Variants in RB1 observed in about 807,000 individuals in gnomAD.
The protein encoded by RB1 is RB transcriptional corepressor 1.
A neutral mutation model predicts 135.4 loss-of-function variants in RB1; 18 were observed. That is an observed-to-expected ratio of 0.13 (90% CI 0.09 to 0.20). The LOEUF is 0.20. RB1 is among the 10% of genes least tolerant of loss of function. The pLI is 1.00. For missense variants in RB1, 868 were observed against 1,110.0 expected, an observed-to-expected ratio of 0.78 and a Z score of 3.10; for synonymous variants, 365 against 373.2, an observed-to-expected ratio of 0.98 and a Z score of 0.25.
intron 20 of RB1, among the ~76,000 whole-genome samples, chr13:48,461,649 A>G (rs1046630433): frequency 3.3e-5 from 5 of 151,394 alleles, no homozygotes; most frequent in Admixed American, 3.3e-4. Context: ...ATCCTCACCA[A>G]CTTTTTTATC....
intron 3 of RB1, 41 bp downstream of exon 3, chr13:48,342,755 G>A: frequency 7.3e-7 from 1 of 1,378,934 alleles, no homozygotes; most frequent in Non-Finnish European, 1.0e-6. Context: ...GCCATAAAAG[G>A]AAACGAATTC....
At chr13:48,442,376 A>AT (rs1376552032) in intron 17 of RB1, among the ~76,000 whole-genome samples, 1 of 151,852 alleles carries the variant, frequency 6.6e-6, no homozygotes, top group Non-Finnish European at 1.5e-5. Flanking sequence ...AATTTTTTGT[A>AT]TTTTTTGTAG....
rs1005740515 is a variant in RB1 at position 48,365,447 on chromosome 13, T to C, written c.939+476T>C. Among the ~76,000 whole-genome samples, 5 of 152,350 alleles carry C rather than the reference T, an allele frequency of 3.3e-5. No individual in the cohort carries two copies. In the South Asian group the frequency reaches 1.0e-3, roughly 32 times the overall value. ...GTATTTGTTGAAATGACTGTGACTA[T>C]TGCAGAAGTGTTTTACCTTAGTGAT... On this transcript the variant is annotated intron_variant, in intron 9 of 26. Coordinates refer to ENST00000267163, the MANE Select transcript of RB1 (RefSeq NM_000321.3).
chr13:48,317,980 G>T, intron 2 of RB1: 1 of 465,520 alleles, frequency 2.1e-6, no homozygotes, highest in Non-Finnish European at 4.1e-6. Context: ...TCTACAGTTC[G>T]ATGCTCTCGT....
intron 17 of RB1, chr13:48,429,281 G>A (rs1223181288): frequency 6.6e-6 from 1 of 152,244 alleles, no homozygotes; most frequent in Admixed American, 6.5e-5. Flanking sequence ...TAGGTGCAGT[G>A]ACACATGCCT....
rs2138345528 is a variant in RB1 at position 48,465,222 on chromosome 13, A to G, written c.2343A>G (p.Pro781=). The change falls in exon 23 of 27, where the codon CCA becomes CCG. Residue 781 remains proline, a synonymous_variant. Coordinates refer to ENST00000267163, the MANE Select transcript of RB1 (RefSeq NM_000321.3). The part of the protein sequence containing the change: ...YASTRPPTLS[P]IPHIPRSPYK... ...TGCTCTAGCCCCCTACCTTGTCACCAATACCTCACATTCCTCGAAGCCCTT... is the reference window on the plus strand; with the variant it reads ...TGCTCTAGCCCCCTACCTTGTCACCGATACCTCACATTCCTCGAAGCCCTT... 1.2e-6 allele frequency: 2 copies of G among 1,613,988 alleles called. No individual in the cohort carries two copies. Among genetic ancestry groups the G allele is most frequent in the Non-Finnish European group, 1.7e-6 (2 of 1,179,948 alleles).
chr13:48,327,538 A>G (rs1952298620), intron 2 of RB1, among the ~76,000 whole-genome samples: 3 of 152,202 alleles, frequency 2.0e-5, no homozygotes, highest in Non-Finnish European at 4.4e-5. Context: ...TGCAACACCT[A>G]GTTTATGATG....
At chr13:48,369,491 C>G (rs1270754597) in intron 11 of RB1, among the ~76,000 whole-genome samples, 1 of 152,190 alleles carries the variant, frequency 6.6e-6, no homozygotes, top group Non-Finnish European at 1.5e-5. Context: ...TTACATTCAC[C>G]TTGCTGTTAA....
At chr13:48,370,614 G>A (rs1037544896) in intron 11 of RB1, among the ~76,000 whole-genome samples, 6 of 152,210 alleles carry the variant, frequency 3.9e-5, no homozygotes, top group African/African-American at 1.4e-4. Flanking sequence ...AGATGCATAG[G>A]ATGAGGTATG....
At chr13:48,306,311 G>C (rs994145368) in intron 1 of RB1, among the ~76,000 whole-genome samples, 5 of 152,198 alleles carry the variant, frequency 3.3e-5, no homozygotes, top group African/African-American at 1.2e-4. Context: ...AGGCTGAGGT[G>C]GGAGGATCCC....
At chr13:48,378,899 T>C (rs538834910) in intron 13 of RB1, among the ~76,000 whole-genome samples, 1 of 152,356 alleles carries the variant, frequency 6.6e-6, no homozygotes, top group East Asian at 1.9e-4. Flanking sequence ...TGCATGATTA[T>C]ATATGAGATT....
intron 2 of RB1, chr13:48,318,224 C>T: frequency 3.1e-6 from 2 of 647,548 alleles, no homozygotes; most frequent in East Asian, 2.9e-5. Flanking sequence ...CTCTCTTGGA[C>T]TTGGAGAGTC....
chr13:48,416,059 G>T (rs1029202493), intron 17 of RB1, among the ~76,000 whole-genome samples: 3 of 152,110 alleles, frequency 2.0e-5, no homozygotes, highest in Non-Finnish European at 2.9e-5. Flanking sequence ...TACACTTCTG[G>T]AACTTAACTC....
At chr13:48,443,728 G>A (rs1037261367) in intron 17 of RB1, among the ~76,000 whole-genome samples, 58 of 152,182 alleles carry the variant, frequency 3.8e-4, no homozygotes, top group African/African-American at 1.4e-3. Context: ...GCAAGTGAGA[G>A]TAAATGCCTC....
Position 48,362,821 on chromosome 13 carries a change from C to T in RB1, c.725C>T (p.Ala242Val), listed in dbSNP as rs2138112099. ...TAATTTACCACTTTTACAGAAACAG[C>T]TGTTATACCCATTAATGGTTCACCT... The part of the protein sequence containing the change: ...PMLLKEPYKT[A>V]VIPINGSPRT... Residue 242 changes from alanine (A) to valine (V), a missense_variant, in exon 8 of 27, where the codon GCT becomes GTT. Transcript: ENST00000267163. 6.2e-7 allele frequency: 1 copy of T among 1,613,526 alleles called. No individual in the cohort carries two copies. The highest frequency in any genetic ancestry group is 1.3e-5 in the African/African-American group (1 of 75,002).
At position 48,381,362 on chromosome 13, in the gene RB1, A is replaced by G; in HGVS notation, c.1614A>G (p.Ala538=). The change falls in exon 17 of 27, where the codon GCA becomes GCG. Residue 538 remains alanine (A), a synonymous_variant. Transcript: ENST00000267163. Reference sequence around the variant, plus strand: ...AAGTGATCGAAAGTTTTATCAAAGCAGAAGGCAACTTGACAAGAGAAATGA... The same window carrying G: ...AAGTGATCGAAAGTTTTATCAAAGCGGAAGGCAACTTGACAAGAGAAATGA... ...FYKVIESFIK[A]EGNLTREMIK... 6.2e-7 allele frequency: 1 copy of G among 1,612,454 alleles called. No individual in the cohort carries two copies. Among genetic ancestry groups the G allele is most frequent in the Non-Finnish European group, 8.5e-7 (1 of 1,179,156 alleles).
intron 20 of RB1, among the ~76,000 whole-genome samples, chr13:48,462,299 T>A (rs1485793532): frequency 6.6e-6 from 1 of 151,478 alleles, no homozygotes; most frequent in South Asian, 2.1e-4. Flanking sequence ...AATTTTTGTA[T>A]TTTTTTGTAC....
intron 19 of RB1, among the ~76,000 whole-genome samples, chr13:48,458,832 A>G (rs1178310402): frequency 6.6e-6 from 1 of 152,234 alleles, no homozygotes; most frequent in African/African-American, 2.4e-5. Flanking sequence ...TATTTTTTAT[A>G]AACTAAATAA....
intron 17 of RB1, among the ~76,000 whole-genome samples, chr13:48,388,701 A>T (rs556366034): frequency 1.2e-4 from 19 of 152,204 alleles, no homozygotes; most frequent in Non-Finnish European, 2.4e-4. Context: ...AAGGGATAAG[A>T]TCACTTAAGG....
Sources: allele counts gnomAD v4.1 joint callset (sites outside exome capture counted in the v4.1 genomes callset), GRCh38; gene constraint gnomAD v4.1.1; transcripts MANE v1.5; gene names NCBI Gene and HGNC (gene_info 2026-07-23, HGNC 2026-07-21).